Variants in QTMAN observed in about 807,000 individuals in gnomAD.
The protein encoded by QTMAN is tRNA-queuosine alpha-mannosyltransferase.
the QTMAN span, among the ~76,000 whole-genome samples, chr2:144,183,900 C>T: frequency 1.5e-4 from 23 of 152,132 alleles, 1 homozygote; most frequent in South Asian, 1.0e-3. Flanking sequence ...TTTCCTCATA[C>T]GTGGCGCTTA....
At chr2:144,145,358 C>T in the QTMAN span, among the ~76,000 whole-genome samples, 1 of 151,714 alleles carries the variant, frequency 6.6e-6, no homozygotes, top group African/African-American at 2.4e-5. Flanking sequence ...ATTAGCTCAA[C>T]ATATAATTAG....
chr2:144,133,427 TAA>T, the QTMAN span, among the ~76,000 whole-genome samples: 2 of 44,732 alleles, frequency 4.5e-5, no homozygotes, highest in Admixed American at 4.9e-4. Context: ...ATAATATATA[TAA>T]TATATAATAT....
the QTMAN span, among the ~76,000 whole-genome samples, chr2:143,969,593 T>G: frequency 1.3e-5 from 2 of 152,032 alleles, no homozygotes; most frequent in East Asian, 3.9e-4. Flanking sequence ...CATAGATAAA[T>G]TAAAAACTGA....
chr2:144,109,497 A>G, the QTMAN span, among the ~76,000 whole-genome samples: 1 of 152,254 alleles, frequency 6.6e-6, no homozygotes, highest in Non-Finnish European at 1.5e-5. Flanking sequence ...CAAGGACTTC[A>G]TGTTCAGAAC....
chr2:144,156,910 A>C, the QTMAN span, among the ~76,000 whole-genome samples: 1 of 152,034 alleles, frequency 6.6e-6, no homozygotes, highest in Non-Finnish European at 1.5e-5. Flanking sequence ...CCTAGGCCAC[A>C]CTTCTTTACC....
At chr2:144,122,642 C>T in the QTMAN span, among the ~76,000 whole-genome samples, 1 of 152,134 alleles carries the variant, frequency 6.6e-6, no homozygotes, top group African/African-American at 2.4e-5. Context: ...AAAAAACTCT[C>T]CTCTGTATTA....
the QTMAN span, among the ~76,000 whole-genome samples, chr2:144,238,585 C>G: frequency 2.0e-5 from 3 of 151,972 alleles, no homozygotes; most frequent in African/African-American, 7.3e-5. Context: ...CATGGTTGAC[C>G]CTCTTTTCCA....
the QTMAN span, among the ~76,000 whole-genome samples, chr2:144,264,501 C>T: frequency 6.6e-6 from 1 of 152,270 alleles, no homozygotes; most frequent in South Asian, 2.1e-4. Flanking sequence ...AAATTAAAAC[C>T]ACATGGATCA....
the QTMAN span, among the ~76,000 whole-genome samples, chr2:144,166,254 C>A: frequency 6.6e-6 from 1 of 152,148 alleles, no homozygotes; most frequent in Non-Finnish European, 1.5e-5. Context: ...GCTCCCTTCC[C>A]TCAAATCAAC....
the QTMAN span, among the ~76,000 whole-genome samples, chr2:144,318,609 T>C: frequency 6.6e-6 from 1 of 152,234 alleles, no homozygotes; most frequent in African/African-American, 2.4e-5. Context: ...CAGATCTTTT[T>C]CCTAGCAGGA....
the QTMAN span, among the ~76,000 whole-genome samples, chr2:144,219,652 T>C: frequency 6.6e-6 from 1 of 151,990 alleles, no homozygotes; most frequent in Non-Finnish European, 1.5e-5. Flanking sequence ...AAAACCCCCG[T>C]CTCTACAAAA....
At chr2:144,302,253 A>T in the QTMAN span, among the ~76,000 whole-genome samples, 1 of 151,522 alleles carries the variant, frequency 6.6e-6, no homozygotes. Context: ...AATTATATAC[A>T]TATATATACT....
the QTMAN span, among the ~76,000 whole-genome samples, chr2:144,313,681 G>A: frequency 2.0e-5 from 3 of 151,404 alleles, no homozygotes; most frequent in African/African-American, 7.3e-5. Flanking sequence ...CCTGCAAAAT[G>A]AAAATGAAAA....
At chr2:144,145,068 C>T in the QTMAN span, among the ~76,000 whole-genome samples, 51 of 148,848 alleles carry the variant, frequency 3.4e-4, no homozygotes, top group Non-Finnish European at 6.5e-4. Context: ...AAAACACTAC[C>T]TAAGGATTCA....
the QTMAN span, among the ~76,000 whole-genome samples, chr2:144,116,090 T>C: frequency 6.6e-6 from 1 of 152,168 alleles, no homozygotes; most frequent in Non-Finnish European, 1.5e-5. Flanking sequence ...TAGTAAAATA[T>C]ATCCATGCAA....
chr2:144,034,638 G>A, the QTMAN span, among the ~76,000 whole-genome samples: 1 of 151,800 alleles, frequency 6.6e-6, no homozygotes. Context: ...AAAATCTTAA[G>A]TTTTTAAACT....
chr2:144,153,706 A>G, the QTMAN span, among the ~76,000 whole-genome samples: 2 of 152,192 alleles, frequency 1.3e-5, no homozygotes, highest in Non-Finnish European at 2.9e-5. Flanking sequence ...AAACAAAAAC[A>G]AAAACAAAAA....
the QTMAN span, among the ~76,000 whole-genome samples, chr2:144,255,044 A>G: frequency 1.3e-5 from 2 of 152,210 alleles, no homozygotes; most frequent in Non-Finnish European, 2.9e-5. Context: ...TCATAGGCAG[A>G]CAGGACTTGC....
At chr2:144,193,505 CGTGTGTGT>C in the QTMAN span, among the ~76,000 whole-genome samples, 1 of 146,130 alleles carries the variant, frequency 6.8e-6, no homozygotes, top group African/African-American at 2.5e-5. Flanking sequence ...ATATATATTA[CGTGTGTGT>C]GTGTGTGTGT....
Sources: allele counts gnomAD v4.1 joint callset (sites outside exome capture counted in the v4.1 genomes callset), GRCh38; gene constraint gnomAD v4.1.1; transcripts MANE v1.5; gene names NCBI Gene and HGNC (gene_info 2026-07-23, HGNC 2026-07-21).